WDR64: variants seen among roughly 807,000 people sequenced by gnomAD.
The protein encoded by WDR64 is WD repeat domain 64, also known as WD repeat-containing protein 64.
A neutral mutation model predicts 139.3 loss-of-function variants in WDR64; 112 were observed. The ratio of observed to expected loss-of-function variants is 0.80; its 90% CI spans 0.69 to 0.94. The LOEUF (loss-of-function observed/expected upper bound fraction) is 0.94, where lower values mean the gene tolerates loss of function less well. Among genes scored for constraint, WDR64 ranks in the 40% least tolerant of loss-of-function variants. The pLI, the probability that WDR64 is intolerant of heterozygous loss-of-function variation, is 0.00. For synonymous variants in WDR64, 444 were observed against 437.7 expected, an observed-to-expected ratio of 1.01 and a Z score of -0.18; for missense variants, 1,206 against 1,293.1, an observed-to-expected ratio of 0.93 and a Z score of 1.03.
At chr1:241,793,341 T>C (rs755022270) in intron 25 of WDR64, among the ~76,000 whole-genome samples, 1 of 152,112 alleles carries the variant, frequency 6.6e-6, no homozygotes, top group East Asian at 1.9e-4. Flanking sequence ...AAGTTGGGGG[T>C]GTTGTTCCAG....
intron 13 of WDR64, among the ~76,000 whole-genome samples, chr1:241,744,731 T>C (rs12129775): frequency 0.09 from 13,657 of 152,244 alleles, 807 homozygotes; most frequent in East Asian, 0.15. Flanking sequence ...ATTCCTCACA[T>C]TGCATTTACA....
At chr1:241,683,002 C>T (rs1314387052) in intron 6 of WDR64, among the ~76,000 whole-genome samples, 1 of 152,028 alleles carries the variant, frequency 6.6e-6, no homozygotes, top group East Asian at 1.9e-4. Context: ...GCTTAGTGGC[C>T]CCATTCAATA....
chr1:241,742,481 A>C (rs576454776), intron 12 of WDR64, among the ~76,000 whole-genome samples: 1 of 152,326 alleles, frequency 6.6e-6, no homozygotes, highest in South Asian at 2.1e-4. Context: ...GATGGCGACG[A>C]GAGTGACCTC....
chr1:241,727,035 T>C (rs1574046406), intron 10 of WDR64, among the ~76,000 whole-genome samples: 1 of 152,022 alleles, frequency 6.6e-6, no homozygotes, highest in African/African-American at 2.4e-5. Flanking sequence ...TACAGGCTCC[T>C]GCCACCATGC....
At chr1:241,683,345 G>T (rs774555366) in intron 6 of WDR64, 142 bp from the exon 7 acceptor site, 19 of 765,274 alleles carry the variant, frequency 2.5e-5, no homozygotes, top group South Asian at 8.3e-5. Context: ...TGGTTAACTG[G>T]TTTTTTTCTC....
At chr1:241,788,874 G>T (rs1659132083) in intron 24 of WDR64, among the ~76,000 whole-genome samples, 1 of 152,162 alleles carries the variant, frequency 6.6e-6, no homozygotes, top group African/African-American at 2.4e-5. Flanking sequence ...CAAGCTTCAA[G>T]ATGCAGTAAA....
rs145165682 is a variant in WDR64 at position 241,802,233 on chromosome 1, A to ATC, written c.*1019_*1020insCT. On this transcript the variant is annotated 3_prime_UTR_variant, in exon 28 of 28. Transcript: ENST00000437684. ...AGCAATTAAAGGGAATAAAATGCTA[A>ATC]TGCATGCATTAACATAGACCAATCT... 89,106 of 397,912 alleles carry ATC rather than the reference A, an allele frequency of 0.22. 11,369 individuals are homozygous for ATC. Among genetic ancestry groups the ATC allele is most frequent in the East Asian group, 0.46 (12,734 of 27,924 alleles). 24.6% of individuals were successfully genotyped at this position (397,912 alleles called of 1,614,324 possible). A position where few individuals can be genotyped will look rare whatever the true frequency, so the allele number is the denominator to read the frequency against.
intron 27 of WDR64, among the ~76,000 whole-genome samples, 173 bp downstream of exon 27, chr1:241,796,543 A>G (rs1223938942): frequency 6.7e-6 from 1 of 150,176 alleles, no homozygotes; most frequent in African/African-American, 2.5e-5. Context: ...CCCAGGCTGG[A>G]GTGCAATGGC....
chr1:241,705,576 A>ATAATAAT lies in WDR64; in HGVS notation c.975-6225_975-6219dup. ...AAATAAATAAATAATAATAATAATAATAATAATAATAATAATAATAAAAGA... is the reference window on the plus strand; with the variant it reads ...AAATAAATAAATAATAATAATAATAATAATAATTAATAATAATAATAATAATAAAAGA... On this transcript the variant is annotated intron_variant, in intron 8 of 27. Coordinates refer to ENST00000437684, the MANE Select transcript of WDR64 (RefSeq NM_001367482.1). Among the ~76,000 whole-genome samples the ATAATAAT allele has an allele frequency of 2.0e-5, 3 of 147,894 alleles. No individual in the cohort carries two copies. The Middle Eastern group carries it at 0.011, about 532-fold the overall frequency.
intron 18 of WDR64, 144 bp downstream of exon 18, chr1:241,770,834 G>T: frequency 1.9e-6 from 1 of 532,694 alleles, no homozygotes. Flanking sequence ...ATGTAAAAAC[G>T]CATTGTTTTG....
intron 11 of WDR64, among the ~76,000 whole-genome samples, chr1:241,740,824 C>G (rs974198894): frequency 6.6e-6 from 1 of 152,032 alleles, no homozygotes; most frequent in Non-Finnish European, 1.5e-5. Context: ...CACCACCATG[C>G]CCGGCTAATT....
At chr1:241,797,768 C>T (rs968585384) in intron 27 of WDR64, among the ~76,000 whole-genome samples, 24 of 151,224 alleles carry the variant, frequency 1.6e-4, no homozygotes, top group African/African-American at 5.8e-4. Flanking sequence ...ATAAATAATC[C>T]AAAACCTTGT....
intron 11 of WDR64, among the ~76,000 whole-genome samples, chr1:241,740,294 T>G (rs1325415219): frequency 6.6e-6 from 1 of 152,214 alleles, no homozygotes; most frequent in East Asian, 1.9e-4. Flanking sequence ...ACGTCCATTC[T>G]GAATGAAGTC....
chr1:241,679,440 T>G (rs946861119), intron 5 of WDR64, 45 bp from the exon 6 acceptor site: 1 of 1,504,484 alleles, frequency 6.6e-7, no homozygotes, highest in African/African-American at 1.4e-5. Context: ...ACCAGGTCAT[T>G]GAAGGAAATG....
Position 241,796,276 on chromosome 1 carries a change from T to C in WDR64, c.3098T>C (p.Leu1033Pro). 1 of 1,613,560 alleles carries C rather than the reference T, an allele frequency of 6.2e-7. No homozygotes were observed. The highest frequency in any genetic ancestry group is 8.5e-7 in the Non-Finnish European group (1 of 1,179,712). ...PIYSISSPTS[L>P]RFLPLIGVEA... ...TTCCAGATATCAAGCCCCACTAGTC[T>C]AAGATTTCTTCCACTGATTGGCGTA... is the stretch of plus-strand genomic sequence containing the variant. The change falls in exon 27 of 28, where the codon CTA becomes CCA. Residue 1033 changes from leucine (L) to proline (P), a missense_variant. Coordinates refer to ENST00000437684, the MANE Select transcript of WDR64 (RefSeq NM_001367482.1).
intron 10 of WDR64, 59 bp from the exon 11 acceptor site, chr1:241,738,304 T>C (rs1669400592): frequency 6.4e-7 from 1 of 1,564,838 alleles, no homozygotes; most frequent in Non-Finnish European, 8.6e-7. Context: ...TTCACCTAAA[T>C]ATCTTGGGTG....
chr1:241,666,228 C>T (rs772320134), intron 2 of WDR64, among the ~76,000 whole-genome samples: 8 of 152,018 alleles, frequency 5.3e-5, no homozygotes, highest in Non-Finnish European at 1.0e-4. Flanking sequence ...CTGAAAAGGT[C>T]GAAAGAGAAA....
intron 26 of WDR64, among the ~76,000 whole-genome samples, chr1:241,795,853 T>C (rs1193975800): frequency 1.3e-5 from 2 of 152,198 alleles, no homozygotes; most frequent in Non-Finnish European, 2.9e-5. Flanking sequence ...TTAACTTATA[T>C]CTTAGATGTT....
At chr1:241,776,871 C>T (rs1014514402) in intron 21 of WDR64, among the ~76,000 whole-genome samples, 3 of 152,194 alleles carry the variant, frequency 2.0e-5, no homozygotes, top group Non-Finnish European at 2.9e-5. Flanking sequence ...AGCCCATTCT[C>T]ATCCTGAAAT....
Sources: gnomAD v4.1 joint callset for allele counts (sites outside exome capture counted in the v4.1 genomes callset) on GRCh38, gnomAD v4.1.1 for gene constraint, MANE v1.5 for transcripts, NCBI Gene and HGNC (gene_info 2026-07-23, HGNC 2026-07-21) for gene names.